PHRF1: variants seen among roughly 807,000 people sequenced by gnomAD.
PHRF1 encodes PHD and ring finger domains 1.
Under a neutral mutation model 128.9 loss-of-function variants are expected in PHRF1, and 53 were observed. The observed-to-expected ratio is 0.41, with a 90% CI of 0.33 to 0.52. The LOEUF is 0.52. PHRF1 is among the 20% of genes least tolerant of loss of function. The pLI, the probability that PHRF1 is intolerant of heterozygous loss-of-function variation, is 0.21. For missense variants in PHRF1, 2,503 were observed against 2,284.5 expected (o/e 1.10, Z -1.95); for synonymous variants, 1,178 against 980.6 (o/e 1.20, Z -3.76).
At chr11:590,134 C>CCTGAGAATGTGTGCA (rs1423830284) in intron 4 of PHRF1, among the ~76,000 whole-genome samples, 1 of 152,218 alleles carries the variant, frequency 6.6e-6, no homozygotes, top group Non-Finnish European at 1.5e-5. Flanking sequence ...CAGGGTTCAG[C>CCTGAGAATGTGTGCA]AGCAGGGCTC....
rs777641794 is a variant in PHRF1 at position 608,767 on chromosome 11, A to C, written c.3311A>C (p.Tyr1104Ser). 1 of 1,611,464 alleles carries C rather than the reference A, an allele frequency of 6.2e-7. No homozygotes were observed. The highest frequency in any genetic ancestry group is 1.3e-5 in the African/African-American group (1 of 74,858). ...GSPGSSSYEH[Y>S]ESRKKKKRRS... ...CCTGGCAGCTCTTCCTATGAGCACT[A>C]TGAGAGTAGGAAGAAGAAGAAAAGG... Residue 1104 changes from tyrosine to serine, a missense_variant, in exon 14 of 18, where the codon TAT (tyrosine) becomes TCT (serine). Tyr to Ser is a moderately radical substitution (Grantham distance 144, BLOSUM62 -2). Coordinates refer to ENST00000264555, the MANE Select transcript of PHRF1 (RefSeq NM_001286581.2).
At chr11:578,546 AT>A (rs1246096216) in intron 1 of PHRF1, among the ~76,000 whole-genome samples, 1 of 152,178 alleles carries the variant, frequency 6.6e-6, no homozygotes, top group Non-Finnish European at 1.5e-5. Context: ...AAGCCCTGCC[AT>A]TGCCTGTCGC....
At chr11:577,174 A>T (rs1398207107) in intron 1 of PHRF1, among the ~76,000 whole-genome samples, 2 of 152,188 alleles carry the variant, frequency 1.3e-5, no homozygotes, top group Non-Finnish European at 2.9e-5. Flanking sequence ...CAGTCCTCAC[A>T]AGAGCCTCTC....
At chr11:595,168 A>C (rs11246204) in intron 6 of PHRF1, among the ~76,000 whole-genome samples, 2 of 152,100 alleles carry the variant, frequency 1.3e-5, no homozygotes, top group Admixed American at 6.6e-5. Flanking sequence ...ACTAAAAATA[A>C]AAAAATTGGC....
At position 609,360 on chromosome 11, in the gene PHRF1, G is replaced by A. The variant is rs1856196424; in HGVS notation, c.3904G>A (p.Asp1302Asn). 6.2e-7 allele frequency: 1 copy of A among 1,612,138 alleles called. No homozygotes were observed. The highest frequency in any genetic ancestry group is 1.3e-5 in the African/African-American group (1 of 74,946). Reference sequence around the variant, plus strand: ...AAGCACAGACTCTTCCCCGGAGCGAGACTTCCCACTGAAGCCTGCGTTGCC... The same window carrying A: ...AAGCACAGACTCTTCCCCGGAGCGAAACTTCCCACTGAAGCCTGCGTTGCC... The part of the protein sequence containing the change: ...PESTDSSPER[D>N]FPLKPALPPA... Residue 1302 changes from aspartate to asparagine, a missense_variant, in exon 14 of 18, where the codon GAC becomes AAC. Physicochemically the swap from Asp to Asn is conservative, Grantham distance 23. Coordinates refer to ENST00000264555, the MANE Select transcript of PHRF1 (RefSeq NM_001286581.2).
chr11:581,102 G>A (rs1854175152), intron 1 of PHRF1, among the ~76,000 whole-genome samples: 2 of 151,972 alleles, frequency 1.3e-5, no homozygotes, highest in South Asian at 4.1e-4. Flanking sequence ...GGGATTACAG[G>A]CGTGACCAAT....
rs765534515 is a variant in PHRF1, at chr11:597,421, G to A, written c.745G>A (p.Val249Ile). 6.2e-7 allele frequency: 1 copy of A among 1,613,062 alleles called. No homozygotes were observed. Among genetic ancestry groups the A allele is most frequent in the Admixed American group, 1.7e-5 (1 of 59,920 alleles). The part of the protein sequence containing the change: ...ADAGPVSEEE[V>I]SLLLADVVPT... ...TGCGGGTCCCGTGAGTGAGGAGGAG[G>A]TCTCCCTGCTCTTGGCTGATGTGGT... is the stretch of plus-strand genomic sequence containing the variant. Residue 249 changes from valine to isoleucine, a missense_variant, in exon 8 of 18, where the codon GTC becomes ATC. Val to Ile is a conservative substitution (Grantham distance 29). Coordinates refer to ENST00000264555, the MANE Select transcript of PHRF1 (RefSeq NM_001286581.2). This position sits in a 1 kb window ranked among gnomAD's most constrained non-coding sequence, Gnocchi z 6.5.
At chr11:598,180 C>T (rs1391945410) in intron 8 of PHRF1, among the ~76,000 whole-genome samples, 193 bp from the exon 9 acceptor site, 1 of 152,208 alleles carries the variant, frequency 6.6e-6, no homozygotes, top group African/African-American at 2.4e-5. Flanking sequence ...ACCCGCCTTG[C>T]CCCCGTGGGA....
At chr11:592,427 C>A in intron 5 of PHRF1, 132 bp from the exon 6 acceptor site, 1 of 813,832 alleles carries the variant, frequency 1.2e-6, no homozygotes, top group Non-Finnish European at 2.1e-6. Flanking sequence ...TGGAGGGAGA[C>A]CCTCTGGGCC....
intron 6 of PHRF1, among the ~76,000 whole-genome samples, chr11:595,990 C>T (rs987881687): frequency 6.6e-6 from 1 of 152,202 alleles, no homozygotes; most frequent in Non-Finnish European, 1.5e-5. Flanking sequence ...ATGGCCCTAG[C>T]AAGGGCCACA....
chr11:576,877 G>C (rs1423480639), intron 1 of PHRF1, among the ~76,000 whole-genome samples: 1 of 131,350 alleles, frequency 7.6e-6, no homozygotes, highest in Non-Finnish European at 1.7e-5. Flanking sequence ...GCCCCGCCGA[G>C]ACTGGGAGGC....
chr11:598,465 G>C lies in PHRF1; in HGVS notation c.987G>C (p.Leu329=), dbSNP rs1855432578. 1 of 1,610,496 alleles carries C rather than the reference G, an allele frequency of 6.2e-7. No homozygotes were observed. Among genetic ancestry groups the C allele is most frequent in the Non-Finnish European group, 8.5e-7 (1 of 1,179,674 alleles). The change falls in exon 9 of 18, where the codon CTG becomes CTC. Residue 329 remains leucine (L), a synonymous_variant. Transcript: ENST00000264555. ...GLSTAVYQRP[L]TPRTPARRKR... ...GCACTGCCGTGTATCAGCGCCCCCTGACGCCGCGCACTCCCGCCCGACGGA... is the reference window on the plus strand; with the variant it reads ...GCACTGCCGTGTATCAGCGCCCCCTCACGCCGCGCACTCCCGCCCGACGGA...
chr11:602,804 C>T, intron 10 of PHRF1, among the ~76,000 whole-genome samples: 1 of 150,644 alleles, frequency 6.6e-6, no homozygotes. Context: ...CACTCTGTCC[C>T]CACGCTGGAG....
chr11:609,349 C>T lies in PHRF1; in HGVS notation c.3893C>T (p.Ser1298Phe), dbSNP rs780086331. The T allele has an allele frequency of 2.5e-6, 4 of 1,612,424 alleles. No individual in the cohort carries two copies. In the Admixed American group the frequency reaches 5.0e-5, roughly 20 times the overall value. The change falls in exon 14 of 18, where the codon TCC becomes TTC. Residue 1298 changes from serine to phenylalanine, a missense_variant. Coordinates refer to ENST00000264555, the MANE Select transcript of PHRF1 (RefSeq NM_001286581.2). Reference protein sequence around the residue: ...SPPSPESTDSSPERDFPLKPA... With the variant: ...SPPSPESTDSFPERDFPLKPA... ...CCTTCTCCCGAAAGCACAGACTCTT[C>T]CCCGGAGCGAGACTTCCCACTGAAG...
In PHRF1 at chr11:609,440, T is replaced by C; in HGVS notation, c.3984T>C (p.Asp1328=). The C allele has an allele frequency of 1.9e-6, 3 of 1,607,446 alleles. No individual in the cohort carries two copies. Among genetic ancestry groups the C allele is most frequent in the Non-Finnish European group, 2.5e-6 (3 of 1,179,722 alleles). ...AGAGGGAGGTGTCATTGATGCACGA[T>C]GAAGACCCTTCGCAGCCCCCACCCC... The part of the protein sequence containing the change: ...AIQREVSLMH[D]EDPSQPPPLP... The change falls in exon 14 of 18, where the codon GAT becomes GAC. Residue 1328 remains aspartate (D), a synonymous_variant. Coordinates refer to ENST00000264555, the MANE Select transcript of PHRF1 (RefSeq NM_001286581.2).
At chr11:584,378 C>A (rs1457373759) in intron 3 of PHRF1, among the ~76,000 whole-genome samples, 1 of 152,196 alleles carries the variant, frequency 6.6e-6, no homozygotes, top group Non-Finnish European at 1.5e-5. Flanking sequence ...TGGCGGGAGC[C>A]TCAGCAGGGC....
chr11:588,576 AC>A (rs1397200633), intron 4 of PHRF1, among the ~76,000 whole-genome samples: 2 of 151,718 alleles, frequency 1.3e-5, no homozygotes, highest in Non-Finnish European at 2.9e-5. Flanking sequence ...ACAGGGTTTC[AC>A]CATGTTGGTC....
intron 17 of PHRF1, 30 bp from the exon 18 acceptor site, chr11:611,604 G>A: frequency 6.2e-7 from 1 of 1,612,570 alleles, no homozygotes; most frequent in Non-Finnish European, 8.5e-7. Context: ...GATGTGAAAG[G>A]GCATTTGGTG....
rs1856124631 is a variant in PHRF1, at chr11:608,674, A to G, written c.3218A>G (p.Lys1073Arg). 2 of 1,612,414 alleles carry G rather than the reference A, an allele frequency of 1.2e-6. No homozygotes were observed. Among genetic ancestry groups the G allele is most frequent in the East Asian group, 2.2e-5 (1 of 44,872 alleles). Residue 1073 changes from lysine (K) to arginine (R), a missense_variant, in exon 14 of 18, where the codon AAG becomes AGG. Physicochemically the swap from Lys to Arg is conservative, Grantham distance 26. Coordinates refer to ENST00000264555, the MANE Select transcript of PHRF1 (RefSeq NM_001286581.2). ...GCTAAGAGGAAGAAAGCCAAGGACA[A>G]GAGCAGGGAGCACAGGCGGGGCCCC... ...ERAKRKKAKD[K>R]SREHRRGPWG...
Sources: gnomAD v4.1 joint callset for allele counts (sites outside exome capture counted in the v4.1 genomes callset) on GRCh38, gnomAD v4.1.1 for gene constraint, Gnocchi (gnomAD v3.1) non-coding constraint, MANE v1.5 for transcripts, NCBI Gene and HGNC (gene_info 2026-07-23, HGNC 2026-07-21) for gene names.